The following LEPR variants were observed in gnomAD, a reference collection of about 807,000 sequenced individuals.
LEPR encodes OB receptor.
Under a neutral mutation model 114.7 loss-of-function variants are expected in LEPR, and 56 were observed. The ratio of observed to expected loss-of-function variants is 0.49; its 90% CI spans 0.39 to 0.61. The LOEUF is 0.61. LEPR is among the 20% of genes least tolerant of loss of function. LEPR has a pLI of 0.00. For synonymous variants in LEPR, 443 were observed against 461.4 expected (o/e 0.96, Z 0.51); for missense variants, 1,202 against 1,352.9 (o/e 0.89, Z 1.75).
intron 2 of LEPR, among the ~76,000 whole-genome samples, chr1:65,482,340 G>C (rs1205136322): frequency 6.6e-6 from 1 of 152,170 alleles, no homozygotes; most frequent in East Asian, 1.9e-4. Context: ...AAGGCAATCT[G>C]TGTTGTACTA....
intron 2 of LEPR, among the ~76,000 whole-genome samples, chr1:65,428,855 G>A (rs1374799538): frequency 1.3e-5 from 2 of 151,976 alleles, no homozygotes; most frequent in Non-Finnish European, 2.9e-5. Context: ...ATTGCAAAAT[G>A]TTGAAATTTG....
chr1:65,470,566 A>G (rs1176160116), intron 2 of LEPR, among the ~76,000 whole-genome samples: 4 of 152,212 alleles, frequency 2.6e-5, no homozygotes, highest in African/African-American at 9.6e-5. Flanking sequence ...GGCCCTTCCC[A>G]AACCCTTGCT....
chr1:65,631,342 T>C (rs970913535), intron 19 of LEPR, among the ~76,000 whole-genome samples: 6 of 152,094 alleles, frequency 3.9e-5, no homozygotes, highest in Admixed American at 6.5e-5. Flanking sequence ...CTTGTCTTCA[T>C]GTGTTTTTAC....
At chr1:65,461,996 A>G (rs762554842) in intron 2 of LEPR, among the ~76,000 whole-genome samples, 1 of 152,176 alleles carries the variant, frequency 6.6e-6, no homozygotes, top group African/African-American at 2.4e-5. Flanking sequence ...ACTGTTTTTT[A>G]AAATTATTAT....
chr1:65,609,015 G>T (rs1277987581), intron 12 of LEPR, 114 bp downstream of exon 12: 76 of 1,338,152 alleles, frequency 5.7e-5, no homozygotes, highest in Non-Finnish European at 7.6e-5. Context: ...CTCCTGTATT[G>T]TGTAGCTATT....
intron 2 of LEPR, among the ~76,000 whole-genome samples, chr1:65,449,894 C>T (rs1237538087): frequency 6.6e-6 from 1 of 151,988 alleles, no homozygotes; most frequent in Admixed American, 6.6e-5. Context: ...CATTTAATGG[C>T]ATAAATGTTC....
At chr1:65,625,635 A>C (rs2101022948) in intron 19 of LEPR, among the ~76,000 whole-genome samples, 1 of 152,232 alleles carries the variant, frequency 6.6e-6, no homozygotes, top group South Asian at 2.1e-4. Context: ...TAATGTGGGA[A>C]CCTGGCTTAG....
intron 4 of LEPR, 95 bp from the exon 5 acceptor site, chr1:65,572,231 T>C (rs1441218061): frequency 4.5e-5 from 63 of 1,409,060 alleles, no homozygotes; most frequent in Non-Finnish European, 5.6e-5. Context: ...CTGGTAAATT[T>C]GATTTAGCTC....
intron 4 of LEPR, 127 bp from the exon 5 acceptor site, chr1:65,572,199 C>G: frequency 2.4e-6 from 3 of 1,226,784 alleles, no homozygotes; most frequent in Non-Finnish European, 3.3e-6. Context: ...TCAGAATAGG[C>G]AATGGAAGTT....
chr1:65,508,134 TG>T (rs1478257313), intron 2 of LEPR, among the ~76,000 whole-genome samples: 1 of 152,176 alleles, frequency 6.6e-6, no homozygotes, highest in Non-Finnish European at 1.5e-5. Context: ...TCCCAGTTTA[TG>T]GGTTGTTTCT....
intron 10 of LEPR, among the ~76,000 whole-genome samples, chr1:65,602,217 G>T (rs535470600): frequency 9.3e-4 from 141 of 151,982 alleles, no homozygotes; most frequent in African/African-American, 3.4e-3. Context: ...TGAAAAATTT[G>T]TATTTTAACT....
Position 65,565,695 on chromosome 1 carries a change from G to T in LEPR, c.40+90G>T, listed in dbSNP as rs892587911. 207 of 1,459,650 alleles carry T rather than the reference G, an allele frequency of 1.4e-4. 1 individual carries two copies. The Admixed American group carries it at 3.3e-3, about 23-fold the overall frequency. 90.4% of individuals were successfully genotyped at this position (1,459,650 alleles called of 1,614,324 possible). Reference sequence around the variant, plus strand: ...ATGCTGTTTTATTTATTAGCTAACAGAATTTCCTATTTCTAGTTAGGAATT... The same window carrying T: ...ATGCTGTTTTATTTATTAGCTAACATAATTTCCTATTTCTAGTTAGGAATT... On this transcript the variant is annotated intron_variant, in intron 3 of 19. Coordinates refer to ENST00000349533, the MANE Select transcript of LEPR (RefSeq NM_002303.6).
chr1:65,488,184 CTTTCTTTCTTTCTTTCTTTCTTTCTT>C (rs1570545028), intron 2 of LEPR, among the ~76,000 whole-genome samples: 1 of 17,970 alleles, frequency 5.6e-5, no homozygotes, highest in East Asian at 7.0e-4. Context: ...TTCTTTCTTT[CTTTCTTTCTTTCTTTCTTTCTTTCTT>C]TCTCTCTCTC....
chr1:65,448,687 C>G (rs902126341), intron 2 of LEPR, among the ~76,000 whole-genome samples: 3 of 152,102 alleles, frequency 2.0e-5, no homozygotes, highest in African/African-American at 4.8e-5. Context: ...TTTATTAATT[C>G]AATTTCTTTA....
At chr1:65,435,358 T>G (rs1463342375) in intron 2 of LEPR, 1 of 923,032 alleles carries the variant, frequency 1.1e-6, no homozygotes, top group Non-Finnish European at 1.3e-6. Context: ...AAATGTGCCT[T>G]TTCTTTTCTT....
chr1:65,488,162 TTC>T (rs1428149355), intron 2 of LEPR, among the ~76,000 whole-genome samples: 2 of 22,744 alleles, frequency 8.8e-5, no homozygotes, highest in Non-Finnish European at 2.0e-4. Context: ...CTTCCTTCCT[TTC>T]TTTCTTTCTT....
intron 2 of LEPR, among the ~76,000 whole-genome samples, chr1:65,456,907 C>T (rs952831772): frequency 1.3e-5 from 2 of 152,050 alleles, no homozygotes; most frequent in Admixed American, 1.3e-4. Flanking sequence ...CTTTTTCTGT[C>T]TTTTGTATTT....
Position 65,601,612 on chromosome 1 carries a change from T to C in LEPR, c.1215T>C (p.Phe405=), listed in dbSNP as rs151223248. 1 of 1,613,776 alleles carries C rather than the reference T, an allele frequency of 6.2e-7. No homozygotes were observed. Among genetic ancestry groups the C allele is most frequent in the African/African-American group, 1.3e-5 (1 of 75,038 alleles). Residue 405 remains phenylalanine (F), a synonymous_variant, in exon 9 of 20, where the codon TTT becomes TTC. Transcript: ENST00000349533. ...NLNETKPRGK[F]TYDAVYCCNE... is the part of the protein sequence containing the mutation. ...ATGAAACCAAACCTCGAGGAAAGTT[T>C]ACCTATGATGCAGTGTACTGCTGCA...
chr1:65,455,466 G>C lies in LEPR; in HGVS notation c.-21+30088G>C, dbSNP rs561252506. ...GATGTACAGATGGGTTTTTGGTGTG[G>C]ATGTCCTTTCTGTTTGTTAGTTTTC... On this transcript the variant is annotated intron_variant, in intron 2 of 19. Transcript: ENST00000349533. Among the ~76,000 whole-genome samples, 665 of 152,260 alleles carry C rather than the reference G, an allele frequency of 4.4e-3. 4 individuals are homozygous for C. Among genetic ancestry groups the C allele is most frequent in the African/African-American group, 0.015 (627 of 41,550 alleles).
Sources: gnomAD v4.1 joint callset for allele counts (sites outside exome capture counted in the v4.1 genomes callset) on GRCh38, gnomAD v4.1.1 for gene constraint, MANE v1.5 for transcripts, NCBI Gene and HGNC (gene_info 2026-07-23, HGNC 2026-07-21) for gene names.